The following SNAP47 variants were observed in gnomAD, a reference collection of about 807,000 sequenced individuals.
SNAP47 encodes the protein synaptosomal-associated protein 47.
In SNAP47, 20 loss-of-function variants were observed where a neutral mutation model predicts 31.4. That is an observed-to-expected ratio of 0.64 (90% CI 0.45 to 0.93). The LOEUF (loss-of-function observed/expected upper bound fraction) is 0.93. SNAP47 is among the 40% of genes least tolerant of loss of function. The pLI, the probability that SNAP47 is intolerant of heterozygous loss-of-function variation, is 0.00. For missense variants in SNAP47, 492 were observed against 528.5 expected (o/e 0.93, Z 0.68); for synonymous variants, 194 against 213.4 (o/e 0.91, Z 0.79).
chr1:227,773,605 C>A (rs1041970999), intron 4 of SNAP47, among the ~76,000 whole-genome samples: 3 of 151,832 alleles, frequency 2.0e-5, no homozygotes, highest in African/African-American at 7.3e-5. Flanking sequence ...TCCTGCCAGC[C>A]CTGCTCACGG....
rs148710287 is a variant in SNAP47 at position 227,741,568 on chromosome 1, C to T, written c.-46+6069C>T. 9.8e-3 allele frequency among the ~76,000 whole-genome samples: 1,498 copies of T among 152,232 alleles called. 15 individuals are homozygous for T. The highest frequency in any genetic ancestry group is 0.031 in the African/African-American group (1,286 of 41,540). ...GACGGAGACCATGCGTGGTCCTTCA[C>T]GGAGAGTGCAGTGCCTGGCATGGGA... is the stretch of plus-strand genomic sequence containing the variant. On this transcript the variant is annotated intron_variant, in intron 1 of 4. Transcript: ENST00000617596. The surrounding 1 kb of genome is among the most constrained non-coding windows in gnomAD (Gnocchi z 4.2).
At chr1:227,738,230 C>T (rs1277472653) in intron 1 of SNAP47, among the ~76,000 whole-genome samples, 3 of 151,980 alleles carry the variant, frequency 2.0e-5, no homozygotes, top group Non-Finnish European at 4.4e-5. Flanking sequence ...TTAGTAGAGA[C>T]GGGGTTTCAC....
intron 4 of SNAP47, among the ~76,000 whole-genome samples, chr1:227,768,956 G>GA (rs1177289795): frequency 3.3e-5 from 5 of 152,228 alleles, no homozygotes; most frequent in Non-Finnish European, 7.3e-5. Flanking sequence ...GCTTTAAGAT[G>GA]AAAAAATAGG....
At chr1:227,733,529 C>A (rs748965028), upstream of SNAP47, 13 of 1,603,326 alleles carry the variant, frequency 8.1e-6, no homozygotes, top group Non-Finnish European at 1.1e-5. Flanking sequence ...GTGTGTGTCG[C>A]AGAGTGCTGG....
intron 2 of SNAP47, among the ~76,000 whole-genome samples, chr1:227,750,714 G>A (rs7526021): frequency 0.42 from 64,213 of 152,124 alleles, 13,687 homozygotes; most frequent in African/African-American, 0.46. Context: ...GGCCATAGGC[G>A]AGGGTGCTGC....
intron 2 of SNAP47, among the ~76,000 whole-genome samples, chr1:227,757,436 G>A (rs1662765170): frequency 6.6e-6 from 1 of 152,184 alleles, no homozygotes; most frequent in Non-Finnish European, 1.5e-5. Context: ...GGAAGCCACG[G>A]AGTGCTCACT....
At chr1:227,775,913 A>G (rs746339716) in intron 4 of SNAP47, 18 of 1,302,316 alleles carry the variant, frequency 1.4e-5, no homozygotes, top group South Asian at 1.2e-4. Flanking sequence ...TTCTTCCAGA[A>G]CAGCCTTTGC....
At chr1:227,754,224 C>T (rs1258466637) in intron 2 of SNAP47, among the ~76,000 whole-genome samples, 1 of 152,252 alleles carries the variant, frequency 6.6e-6, no homozygotes, top group African/African-American at 2.4e-5. Context: ...AGTTGGTGGC[C>T]TACAGCCGTG....
At chr1:227,779,696 A>G (rs1420233678) in intron 4 of SNAP47, among the ~76,000 whole-genome samples, 2 of 152,186 alleles carry the variant, frequency 1.3e-5, no homozygotes, top group Non-Finnish European at 2.9e-5. Flanking sequence ...CTGAGTGTGT[A>G]AAGCAGCGCT....
chr1:227,743,980 G>A (rs1286662132), intron 1 of SNAP47: 1 of 152,226 alleles, frequency 6.6e-6, no homozygotes, highest in African/African-American at 2.4e-5. Context: ...TTTGGTCCCA[G>A]GACCTCCTGC....
chr1:227,776,155 C>A, intron 4 of SNAP47: 1 of 1,159,380 alleles, frequency 8.6e-7, no homozygotes, highest in Non-Finnish European at 1.1e-6. Flanking sequence ...TCCCACAAGC[C>A]GCTCAGGACC....
intron 2 of SNAP47, among the ~76,000 whole-genome samples, chr1:227,751,768 T>G (rs1356275840): frequency 1.0e-5 from 1 of 97,854 alleles, no homozygotes; most frequent in African/African-American, 3.9e-5. Context: ...TTTTTTTTTT[T>G]TTTTTTTTTT....
In SNAP47 at chr1:227,742,276, C is replaced by T. The variant is rs117440865; in HGVS notation, c.-45-5416C>T. On this transcript the variant is annotated intron_variant, in intron 1 of 4. Transcript: ENST00000617596. Reference sequence around the variant, plus strand: ...ATTAGACGGAATTTCACTCTGTTGCCCAGGCTGGAGTGCAGTGGTACAATC... The same window carrying T: ...ATTAGACGGAATTTCACTCTGTTGCTCAGGCTGGAGTGCAGTGGTACAATC... 4.5e-3 allele frequency among the ~76,000 whole-genome samples: 686 copies of T among 152,170 alleles called. 18 individuals carry two copies. In the South Asian group the frequency reaches 0.054, roughly 12 times the overall value.
In SNAP47 at chr1:227,766,864, A is replaced by G. The variant is rs535847227; in HGVS notation, c.989-95A>G. On this transcript the variant is annotated intron_variant, in intron 3 of 4. Coordinates refer to ENST00000617596, the MANE Select transcript of SNAP47 (RefSeq NM_053052.4). Reference sequence around the variant, plus strand: ...AGTCCTGCGTGTGGTGGCGGGAGGAACACCGCCTCAAAGACCACGCTCTGC... The same window carrying G: ...AGTCCTGCGTGTGGTGGCGGGAGGAGCACCGCCTCAAAGACCACGCTCTGC... The G allele has an allele frequency of 1.8e-5, 28 of 1,540,118 alleles. No individual in the cohort carries two copies. In the African/African-American group the frequency reaches 2.8e-4, roughly 16 times the overall value.
chr1:227,748,172 C>A lies in SNAP47; in HGVS notation c.436C>A (p.Gln146Lys). 6.2e-7 allele frequency: 1 copy of A among 1,611,764 alleles called. No homozygotes were observed. Among genetic ancestry groups the A allele is most frequent in the Non-Finnish European group, 8.5e-7 (1 of 1,179,064 alleles). The change falls in exon 2 of 5, where the codon CAG becomes AAG. Residue 146 changes from glutamine to lysine, a missense_variant. Transcript: ENST00000617596. ...TARVLHHQGQQLDSVMRGLDK... is the reference protein window; with the variant it reads ...TARVLHHQGQKLDSVMRGLDK... ...GAGGGTCCTGCACCACCAGGGCCAGCAGCTGGACAGCGTCATGAGAGGCCT... is the reference window on the plus strand; with the variant it reads ...GAGGGTCCTGCACCACCAGGGCCAGAAGCTGGACAGCGTCATGAGAGGCCT...
chr1:227,732,608 CTCAGCGAT>C, upstream of SNAP47: 1 of 1,613,586 alleles, frequency 6.2e-7, no homozygotes, highest in Non-Finnish European at 8.5e-7. Flanking sequence ...GGAGCCTCTT[CTCAGCGAT>C]GACCTTGAGG....
intron 2 of SNAP47, among the ~76,000 whole-genome samples, chr1:227,757,017 A>T (rs1164430067): frequency 6.6e-6 from 1 of 152,196 alleles, no homozygotes; most frequent in East Asian, 1.9e-4. Context: ...TCTCCAGATG[A>T]GGGACGTCTC....
chr1:227,778,008 C>T (rs1051033850), intron 4 of SNAP47, among the ~76,000 whole-genome samples: 7 of 152,206 alleles, frequency 4.6e-5, no homozygotes, highest in African/African-American at 1.7e-4. Context: ...AATAACTCAG[C>T]TTTCATTCAG....
rs979456606 is a variant in SNAP47 at position 227,762,324 on chromosome 1, T to C, written c.988+2839T>C. ...TTCTTGAAGAGGCTCCATGCAGGGG[T>C]TGGAGCGTGTGGTGCCCTGCCTGGT... is the stretch of plus-strand genomic sequence containing the variant. On this transcript the variant is annotated intron_variant, in intron 3 of 4. Transcript: ENST00000617596. This position sits in a 1 kb window ranked among gnomAD's most constrained non-coding sequence, Gnocchi z 4.2. Among the ~76,000 whole-genome samples the C allele has an allele frequency of 6.6e-6, 1 of 152,148 alleles. No homozygotes were observed. Among genetic ancestry groups the C allele is most frequent in the Non-Finnish European group, 1.5e-5 (1 of 68,014 alleles).
Sources: allele counts gnomAD v4.1 joint callset (sites outside exome capture counted in the v4.1 genomes callset), GRCh38; gene constraint gnomAD v4.1.1; non-coding constraint Gnocchi (gnomAD v3.1); transcripts MANE v1.5; gene names NCBI Gene and HGNC (gene_info 2026-07-23, HGNC 2026-07-21).